Variants in BMP8B observed in about 807,000 individuals in gnomAD.
BMP8B encodes the protein bone morphogenetic protein 8b.
BMP8B carries 17 observed loss-of-function variants against 30.3 expected under a neutral mutation model. The ratio of observed to expected loss-of-function variants is 0.56; its 90% CI spans 0.38 to 0.84. The LOEUF (loss-of-function observed/expected upper bound fraction) is 0.84, where lower values mean the gene tolerates loss of function less well. Among genes scored for constraint, BMP8B ranks in the 40% least tolerant of loss-of-function variants. The probability of loss-of-function intolerance (pLI) is 0.00; values close to 1 mark genes in which losing one functional copy is unlikely to be tolerated. For synonymous variants in BMP8B, 131 were observed against 214.7 expected (o/e 0.61, Z 3.41); for missense variants, 253 against 494.6 (o/e 0.51, Z 4.63).
Position 39,774,865 on chromosome 1 carries a change from G to A in BMP8B, c.508C>T (p.Gln170Ter), listed in dbSNP as rs530163160. The change falls in exon 2 of 7, where the codon CAG becomes TAG. Residue 170 changes from glutamine (Q) to a stop codon, truncating the protein, a stop_gained. Coordinates refer to ENST00000372827, the MANE Select transcript of BMP8B (RefSeq NM_001720.5). LOFTEE classifies it high-confidence loss of function. ...GGAAGGCACCTGTTGGACTGCTCCT[G>A]GACCACCTGGAACATGCTGACGTGG... ...TLHVSMFQVV[Q>*]EQSNRESDLF... 2 of 878,828 alleles carry A rather than the reference G, an allele frequency of 2.3e-6. No individual in the cohort carries two copies. Among genetic ancestry groups the A allele is most frequent in the East Asian group, 5.5e-5 (2 of 36,484 alleles). 54.4% of individuals were successfully genotyped at this position (878,828 alleles called of 1,614,324 possible).
At position 39,788,444 on chromosome 1, in the gene BMP8B, C is replaced by T; in HGVS notation, c.42G>A (p.Ala14=). 3.9e-6 allele frequency: 4 copies of T among 1,034,460 alleles called. No homozygotes were observed. The highest frequency in any genetic ancestry group is 3.5e-6 in the Non-Finnish European group (3 of 863,358). 64.1% of individuals were successfully genotyped at this position (1,034,460 alleles called of 1,614,324 possible). The change falls in exon 1 of 7, where the codon GCG becomes GCA. Residue 14 remains alanine, a synonymous_variant. Coordinates refer to ENST00000372827, the MANE Select transcript of BMP8B (RefSeq NM_001720.5). This position sits in a 1 kb window ranked among gnomAD's most constrained non-coding sequence, Gnocchi z 5.8. ...GGCCGCCCCCGCCCAGCGCGCATAG[C>T]GCCAGGCCCAGGAGCCAGAGCGGGC... The part of the protein sequence containing the change: ...LPGPLWLLGL[A]LCALGGGGPG...
At chr1:39,782,211 G>A (rs1015471155) in intron 1 of BMP8B, among the ~76,000 whole-genome samples, 10 of 151,294 alleles carry the variant, frequency 6.6e-5, no homozygotes, top group African/African-American at 1.9e-4. Context: ...GTCAGCAGCC[G>A]GCACTCCAGG....
intron 1 of BMP8B, 51 bp from the exon 2 acceptor site, chr1:39,775,089 G>A (rs995163258): frequency 6.7e-7 from 1 of 1,482,660 alleles, no homozygotes; most frequent in African/African-American, 1.4e-5. Context: ...TCGGGCTCTG[G>A]AGGGGGCAGA....
chr1:39,764,468 T>TC (rs1252121162), intron 4 of BMP8B, among the ~76,000 whole-genome samples, 155 bp downstream of exon 4: 7 of 151,560 alleles, frequency 4.6e-5, no homozygotes, highest in African/African-American at 1.7e-4. Flanking sequence ...CCAGGGTGCA[T>TC]CAGGGCCAAG....
intron 6 of BMP8B, chr1:39,762,682 C>T: frequency 6.6e-7 from 1 of 1,504,006 alleles, no homozygotes; most frequent in East Asian, 2.5e-5. Flanking sequence ...ACCCCACACA[C>T]TGTGCACACA....
chr1:39,757,218 A>G lies in BMP8B; in HGVS notation c.*3201T>C, dbSNP rs532648753. 2.0e-5 allele frequency: 3 copies of G among 152,276 alleles called. No homozygotes were observed. The highest frequency in any genetic ancestry group is 2.9e-5 in the Non-Finnish European group (2 of 68,042). The allele number at this position is 152,276 out of a possible 1,614,324, so 9.4% of individuals were successfully genotyped here. Reference sequence around the variant, plus strand: ...TTTTGGTTTAATGGACAGACATAGAAGTGGCTCAAAAATAAGCAAATTCAT... The same window carrying G: ...TTTTGGTTTAATGGACAGACATAGAGGTGGCTCAAAAATAAGCAAATTCAT... On this transcript the variant is annotated 3_prime_UTR_variant, in exon 7 of 7. Coordinates refer to ENST00000372827, the MANE Select transcript of BMP8B (RefSeq NM_001720.5).
chr1:39,763,111 T>G lies in BMP8B; in HGVS notation c.1040A>C (p.His347Pro). 1 of 1,613,720 alleles carries G rather than the reference T, an allele frequency of 6.2e-7. No homozygotes were observed. The highest frequency in any genetic ancestry group is 1.3e-5 in the African/African-American group (1 of 74,924). Residue 347 changes from histidine to proline, a missense_variant, in exon 6 of 7, where the codon CAC becomes CCC. Coordinates refer to ENST00000372827, the MANE Select transcript of BMP8B (RefSeq NM_001720.5). ...ACTGACCAGGGACTGCAGGATGGCG[T>G]GGTTGGTGGCATTCATGCAGGAGTC... The part of the protein sequence containing the change: ...PLDSCMNATN[H>P]AILQSLVHLM...
chr1:39,779,504 A>G (rs1557488233), intron 1 of BMP8B, among the ~76,000 whole-genome samples: 1 of 152,228 alleles, frequency 6.6e-6, no homozygotes, highest in Non-Finnish European at 1.5e-5. Context: ...CATCACATAG[A>G]CAGAAAGCGA....
Position 39,788,502 on chromosome 1 carries a change from T to C in BMP8B, c.-17A>G. On this transcript the variant is annotated 5_prime_UTR_variant, in exon 1 of 7. Coordinates refer to ENST00000372827, the MANE Select transcript of BMP8B (RefSeq NM_001720.5). The surrounding 1 kb of genome is among the most constrained non-coding windows in gnomAD (Gnocchi z 5.8). ...CGCGGTCATGGCAGGCCGGGGGCGC[T>C]CAGCTGGGGCGCTCAGCGGGCGCGC... is the stretch of plus-strand genomic sequence containing the variant. 2.0e-6 allele frequency: 2 copies of C among 1,008,136 alleles called. No individual in the cohort carries two copies. Among genetic ancestry groups the C allele is most frequent in the Non-Finnish European group, 2.4e-6 (2 of 847,244 alleles). 62.4% of individuals were successfully genotyped at this position (1,008,136 alleles called of 1,614,324 possible).
chr1:39,763,180 C>G lies in BMP8B; in HGVS notation c.971G>C (p.Gly324Ala). 1 of 1,613,510 alleles carries G rather than the reference C, an allele frequency of 6.2e-7. No individual in the cohort carries two copies. The highest frequency in any genetic ancestry group is 8.5e-7 in the Non-Finnish European group (1 of 1,179,764). ...GWLDWVIAPQ[G>A]YSAYYCEGEC... ...CCCCTCACAGTAATAGGCCGAGTAG[C>G]CTTGGGGAGCGATGACCCAGTCCTG... The change falls in exon 6 of 7, where the codon GGC becomes GCC. Residue 324 changes from glycine to alanine, a missense_variant. Around this residue, in one of 7 missense-constraint regions of BMP8B, gnomAD observed 116 missense variants for 142.3 expected, o/e 0.81. Coordinates refer to ENST00000372827, the MANE Select transcript of BMP8B (RefSeq NM_001720.5).
chr1:39,780,507 G>A (rs1357618358), intron 1 of BMP8B, among the ~76,000 whole-genome samples: 2 of 152,206 alleles, frequency 1.3e-5, no homozygotes, highest in Non-Finnish European at 1.5e-5. Context: ...CTGGGGAAAC[G>A]TGAATTCCAT....
chr1:39,771,233 G>A (rs1649956747), intron 3 of BMP8B: 2 of 1,525,354 alleles, frequency 1.3e-6, no homozygotes, highest in Admixed American at 2.1e-5. Flanking sequence ...GAGCACTGAC[G>A]CCAGGAGCCG....
At position 39,788,356 on chromosome 1, in the gene BMP8B, C is replaced by G; in HGVS notation, c.130G>C (p.Val44Leu). 2 of 1,159,042 alleles carry G rather than the reference C, an allele frequency of 1.7e-6. No individual in the cohort carries two copies. The highest frequency in any genetic ancestry group is 1.6e-5 in the African/African-American group (1 of 61,192). The allele number at this position is 1,159,042 out of a possible 1,614,324, so 71.8% of individuals were successfully genotyped here. Residue 44 changes from valine to leucine, a missense_variant, in exon 1 of 7, where the codon GTG becomes CTG. Around this residue, in one of 7 missense-constraint regions of BMP8B, gnomAD observed 54 missense variants for 70.8 expected, o/e 0.76. Transcript: ENST00000372827. This position sits in a 1 kb window ranked among gnomAD's most constrained non-coding sequence, Gnocchi z 5.8. ...AGCACCGCCAGGATCTCGCGCTGCA[C>G]GTCCCGGCGCTCGCGCGCGCCCAGA... Reference protein sequence around the residue: ...RRLGARERRDVQREILAVLGL... With the variant: ...RRLGARERRDLQREILAVLGL...
chr1:39,776,415 T>C (rs1650235584), intron 1 of BMP8B, among the ~76,000 whole-genome samples: 1 of 152,176 alleles, frequency 6.6e-6, no homozygotes, highest in Non-Finnish European at 1.5e-5. Flanking sequence ...ATTTCAATGA[T>C]ATGTTTGTGA....
rs768655373 is a variant in BMP8B, at chr1:39,763,641, C to T, written c.948+71G>A. The T allele has an allele frequency of 9.1e-6, 14 of 1,532,988 alleles. No individual in the cohort carries two copies. The Admixed American group carries it at 2.3e-4, about 25-fold the overall frequency. 95.0% of individuals were successfully genotyped at this position (1,532,988 alleles called of 1,614,324 possible). ...ATTGAAGTCACCATGATTCTATGTC[C>T]TCCCTGCAGATTCACTTCTGATCTA... On this transcript the variant is annotated intron_variant, in intron 5 of 6. Coordinates refer to ENST00000372827, the MANE Select transcript of BMP8B (RefSeq NM_001720.5).
At chr1:39,777,740 C>T (rs1244707887) in intron 1 of BMP8B, among the ~76,000 whole-genome samples, 1 of 152,202 alleles carries the variant, frequency 6.6e-6, no homozygotes, top group Non-Finnish European at 1.5e-5. Flanking sequence ...ACCCATCCCA[C>T]CTCCCCTCAG....
At position 39,760,637 on chromosome 1, in the gene BMP8B, A is replaced by G. The variant is rs1238678317; in HGVS notation, c.1060-69T>C. 6.8e-6 allele frequency: 10 copies of G among 1,464,864 alleles called. No individual in the cohort carries two copies. The Admixed American group carries it at 1.3e-4, about 19-fold the overall frequency. 90.7% of individuals were successfully genotyped at this position (1,464,864 alleles called of 1,614,324 possible). A position where few individuals can be genotyped will look rare whatever the true frequency, so the allele number is the denominator to read the frequency against. On this transcript the variant is annotated intron_variant, in intron 6 of 6. Transcript: ENST00000372827. ...CTCCTCCAAGGACCCACCCAGCCCC[A>G]CCCCAGCTCCACCTGCTCCCTGCCC...
At chr1:39,778,638 C>T (rs902300777) in intron 1 of BMP8B, among the ~76,000 whole-genome samples, 1 of 152,172 alleles carries the variant, frequency 6.6e-6, no homozygotes, top group African/African-American at 2.4e-5. Flanking sequence ...CCGGTCCAGG[C>T]CTCAGACAGT....
intron 1 of BMP8B, among the ~76,000 whole-genome samples, chr1:39,783,447 A>G (rs2124505722): frequency 6.6e-6 from 1 of 152,316 alleles, no homozygotes; most frequent in South Asian, 2.1e-4. Flanking sequence ...GGCCAGACAG[A>G]ACTTTGGGGA....
Sources: gnomAD v4.1 joint callset for allele counts (sites outside exome capture counted in the v4.1 genomes callset) on GRCh38, gnomAD v4.1.1 for gene constraint, gnomAD v4.1.1 regional missense constraint, Gnocchi (gnomAD v3.1) non-coding constraint, MANE v1.5 for transcripts, NCBI Gene and HGNC (gene_info 2026-07-23, HGNC 2026-07-21) for gene names.